PIAS1: variants seen among roughly 807,000 people sequenced by gnomAD.
PIAS1 encodes E3 SUMO-protein ligase PIAS1.
A neutral mutation model predicts 71.3 loss-of-function variants in PIAS1; 6 were observed. The observed-to-expected ratio is 0.08, with a 90% CI of 0.05 to 0.17. The LOEUF (loss-of-function observed/expected upper bound fraction) is 0.17. Among genes scored for constraint, PIAS1 ranks in the 10% least tolerant of loss-of-function variants. The probability of loss-of-function intolerance (pLI) is 1.00; values close to 1 mark genes in which losing one functional copy is unlikely to be tolerated. For synonymous variants in PIAS1, 303 were observed against 292.9 expected, an observed-to-expected ratio of 1.03 and a Z score of -0.35; for missense variants, 555 against 793.6, an observed-to-expected ratio of 0.70 and a Z score of 3.61.
At chr15:68,146,176 T>G (rs1357239442) in intron 5 of PIAS1, among the ~76,000 whole-genome samples, 1 of 152,106 alleles carries the variant, frequency 6.6e-6, no homozygotes, top group African/African-American at 2.4e-5. Context: ...CTCAGCTGTG[T>G]TCATGTGAGT....
intron 2 of PIAS1, among the ~76,000 whole-genome samples, chr15:68,139,562 C>G (rs2092755982): frequency 6.6e-6 from 1 of 152,064 alleles, no homozygotes; most frequent in Non-Finnish European, 1.5e-5. Context: ...GTGCTAATTC[C>G]CTTGATCTGA....
At chr15:68,121,414 T>C (rs999109291) in intron 2 of PIAS1, among the ~76,000 whole-genome samples, 7 of 152,094 alleles carry the variant, frequency 4.6e-5, no homozygotes, top group Non-Finnish European at 1.0e-4. Flanking sequence ...TTTGAAGATT[T>C]TGTTTTCACT....
chr15:68,161,453 G>A (rs1221491964), intron 7 of PIAS1, among the ~76,000 whole-genome samples: 2 of 150,290 alleles, frequency 1.3e-5, no homozygotes, highest in Non-Finnish European at 3.0e-5. Flanking sequence ...AAAAGGACTA[G>A]GATTGGGTCT....
intron 12 of PIAS1, 33 bp downstream of exon 12, chr15:68,181,387 G>T: frequency 1.2e-6 from 2 of 1,602,362 alleles, no homozygotes; most frequent in Non-Finnish European, 1.7e-6. Context: ...TTGTCACATA[G>T]CATTATGAAT....
At chr15:68,100,415 C>T (rs1377311809) in intron 2 of PIAS1, among the ~76,000 whole-genome samples, 1 of 152,152 alleles carries the variant, frequency 6.6e-6, no homozygotes, top group South Asian at 2.1e-4. Flanking sequence ...TTTTGATAAC[C>T]TCACCCACTC....
chr15:68,146,732 G>C, intron 6 of PIAS1, 32 bp downstream of exon 6: 2 of 1,563,396 alleles, frequency 1.3e-6, no homozygotes, highest in Non-Finnish European at 1.8e-6. Context: ...CCAGATTTTT[G>C]TATTATAAGG....
chr15:68,134,762 A>T (rs1205918503), intron 2 of PIAS1, among the ~76,000 whole-genome samples: 1 of 38,186 alleles, frequency 2.6e-5, no homozygotes, highest in Non-Finnish European at 9.8e-5. Context: ...GGCCGGGCAG[A>T]GGGGCTCCTC....
At chr15:68,081,350 T>C (rs2092226300) in intron 1 of PIAS1, among the ~76,000 whole-genome samples, 1 of 152,082 alleles carries the variant, frequency 6.6e-6, no homozygotes, top group Non-Finnish European at 1.5e-5. Context: ...CCAAACAAAA[T>C]AGCCAGGTTA....
chr15:68,074,045 G>A (rs1223947596), intron 1 of PIAS1, among the ~76,000 whole-genome samples: 1 of 152,174 alleles, frequency 6.6e-6, no homozygotes, highest in African/African-American at 2.4e-5. Flanking sequence ...AAGGTTTGGA[G>A]AGAGTTGATG....
chr15:68,183,994 T>G, intron 13 of PIAS1: 1 of 173,384 alleles, frequency 5.8e-6, no homozygotes, highest in East Asian at 1.7e-4. Flanking sequence ...TTTTAGAGTG[T>G]ACCTCTACTT....
At chr15:68,091,349 A>C (rs1003538109) in intron 2 of PIAS1, among the ~76,000 whole-genome samples, 2 of 152,100 alleles carry the variant, frequency 1.3e-5, no homozygotes, top group Non-Finnish European at 2.9e-5. Context: ...CTTTGTTAGA[A>C]CATAATGGCA....
At chr15:68,082,767 A>G (rs1330237557) in intron 1 of PIAS1, among the ~76,000 whole-genome samples, 2 of 152,094 alleles carry the variant, frequency 1.3e-5, no homozygotes, top group Non-Finnish European at 2.9e-5. Context: ...GCATAGACCT[A>G]CTACATAGAA....
At chr15:68,138,044 A>G (rs1257268584) in intron 2 of PIAS1, among the ~76,000 whole-genome samples, 3 of 152,132 alleles carry the variant, frequency 2.0e-5, no homozygotes, top group Non-Finnish European at 4.4e-5. Context: ...CAGCTACTGT[A>G]GAGACTGAGG....
At chr15:68,110,996 C>CT (rs1018494567) in intron 2 of PIAS1, among the ~76,000 whole-genome samples, 1 of 152,096 alleles carries the variant, frequency 6.6e-6, no homozygotes, top group Non-Finnish European at 1.5e-5. Context: ...TGGCTGTGTG[C>CT]TTTTTTCTCT....
chr15:68,139,041 A>G (rs994946843), intron 2 of PIAS1, among the ~76,000 whole-genome samples: 2 of 152,166 alleles, frequency 1.3e-5, no homozygotes, highest in African/African-American at 4.8e-5. Flanking sequence ...GTGAGAAGAA[A>G]AGGAAATTAT....
chr15:68,181,419 C>G, intron 12 of PIAS1, 65 bp downstream of exon 12: 1 of 1,488,432 alleles, frequency 6.7e-7, no homozygotes. Flanking sequence ...ATATAATTCT[C>G]TTCTAGGTGA....
chr15:68,179,371 A>G (rs1415057757), intron 11 of PIAS1, among the ~76,000 whole-genome samples: 1 of 152,102 alleles, frequency 6.6e-6, no homozygotes, highest in East Asian at 1.9e-4. Flanking sequence ...ACATTGTGAG[A>G]AGACTCAGCT....
intron 2 of PIAS1, among the ~76,000 whole-genome samples, chr15:68,126,436 C>T (rs2092651225): frequency 6.6e-6 from 1 of 151,866 alleles, no homozygotes; most frequent in Non-Finnish European, 1.5e-5. Flanking sequence ...TAAACAATAA[C>T]TAGTTAATTG....
Position 68,185,080 on chromosome 15 carries a change from C to G in PIAS1, c.1662+1413C>G, listed in dbSNP as rs145354354. 2.8e-4 allele frequency: 42 copies of G among 152,612 alleles called. 1 individual carries two copies. The East Asian group carries it at 3.5e-3, about 13-fold the overall frequency. The allele number at this position is 152,612 out of a possible 1,614,324, so 9.5% of individuals were successfully genotyped here. A position where few individuals can be genotyped will look rare whatever the true frequency, so the allele number is the denominator to read the frequency against. ...ATAATGCTCCCACACATCCTCATTT[C>G]ATTGGTGATCTTCATCCCAATATCA... On this transcript the variant is annotated intron_variant, in intron 13 of 13. Coordinates refer to ENST00000249636, the MANE Select transcript of PIAS1 (RefSeq NM_016166.3). The surrounding 1 kb of genome is among the most constrained non-coding windows in gnomAD (Gnocchi z 4.4).
Sources: allele counts gnomAD v4.1 joint callset (sites outside exome capture counted in the v4.1 genomes callset), GRCh38; gene constraint gnomAD v4.1.1; non-coding constraint Gnocchi (gnomAD v3.1); transcripts MANE v1.5; gene names NCBI Gene and HGNC (gene_info 2026-07-23, HGNC 2026-07-21).